SNAP91: variants seen among roughly 807,000 people sequenced by gnomAD.
The protein encoded by SNAP91 is clathrin coat assembly protein AP180.
SNAP91 carries 27 observed loss-of-function variants against 100.3 expected under a neutral mutation model. The observed-to-expected ratio is 0.27, with a 90% confidence interval of 0.20 to 0.37. The LOEUF (loss-of-function observed/expected upper bound fraction) is 0.37, where lower values mean the gene tolerates loss of function less well. Ranked by LOEUF, SNAP91 falls within the 10% of genes least tolerant of loss-of-function variation. The probability of loss-of-function intolerance (pLI) is 1.00; values close to 1 mark genes in which losing one functional copy is unlikely to be tolerated. For missense variants in SNAP91, 986 were observed against 1,123.7 expected (o/e 0.88, Z 1.75); for synonymous variants, 404 against 398.6 (o/e 1.01, Z -0.16).
chr6:83,592,431 T>C, intron 21 of SNAP91, 24 bp downstream of exon 21: 4 of 1,514,816 alleles, frequency 2.6e-6, no homozygotes, highest in Non-Finnish European at 3.6e-6. Context: ...ATTCCTTAAG[T>C]GTTGATGGAG....
intron 24 of SNAP91, among the ~76,000 whole-genome samples, chr6:83,578,238 T>G (rs1165422137): frequency 2.6e-5 from 4 of 151,948 alleles, no homozygotes; most frequent in Non-Finnish European, 4.4e-5. Flanking sequence ...CACCTAGGAG[T>G]GGAAATGCTG....
chr6:83,639,300 A>G (rs1244707846), intron 8 of SNAP91, among the ~76,000 whole-genome samples: 1 of 152,172 alleles, frequency 6.6e-6, no homozygotes, highest in East Asian at 1.9e-4. Flanking sequence ...ATATTAACCA[A>G]TCATAACAAA....
chr6:83,667,870 A>G (rs986935961), intron 2 of SNAP91, among the ~76,000 whole-genome samples: 8 of 152,334 alleles, frequency 5.3e-5, no homozygotes, highest in African/African-American at 1.9e-4. Flanking sequence ...CAGCAAAAGA[A>G]ACTACCATCA....
intron 2 of SNAP91, among the ~76,000 whole-genome samples, chr6:83,667,656 C>A (rs1427460103): frequency 6.6e-6 from 1 of 151,856 alleles, no homozygotes; most frequent in Non-Finnish European, 1.5e-5. Flanking sequence ...TTTTATTATA[C>A]TTTAAGTTCT....
intron 26 of SNAP91, among the ~76,000 whole-genome samples, chr6:83,569,902 T>C (rs1803595877): frequency 1.3e-5 from 2 of 152,190 alleles, no homozygotes; most frequent in Admixed American, 6.5e-5. Flanking sequence ...GAACTGTAAG[T>C]TCATGAAACC....
At chr6:83,554,762 C>T (rs965431860) in intron 29 of SNAP91, among the ~76,000 whole-genome samples, 16 of 152,236 alleles carry the variant, frequency 1.1e-4, no homozygotes, top group Middle Eastern at 6.8e-3. Flanking sequence ...AGATCCCTGG[C>T]GACCCGATGC....
At chr6:83,570,710 C>T (rs1004658296) in intron 26 of SNAP91, among the ~76,000 whole-genome samples, 1 of 152,174 alleles carries the variant, frequency 6.6e-6, no homozygotes, top group South Asian at 2.1e-4. Context: ...AGTCCCAAAC[C>T]TTGGCAGCTT....
At chr6:83,640,640 T>C (rs954682534) in intron 8 of SNAP91, among the ~76,000 whole-genome samples, 1 of 152,206 alleles carries the variant, frequency 6.6e-6, no homozygotes, top group Non-Finnish European at 1.5e-5. Context: ...ATGCTTTCTG[T>C]CTTATTTTTC....
chr6:83,686,148 C>A (rs898001856), intron 2 of SNAP91: 1 of 984,974 alleles, frequency 1.0e-6, no homozygotes, highest in East Asian at 1.1e-4. Flanking sequence ...TAAATTCTAG[C>A]CTTCCTTAAT....
intron 24 of SNAP91, among the ~76,000 whole-genome samples, chr6:83,576,329 A>G (rs140608874): frequency 6.6e-6 from 1 of 152,336 alleles, no homozygotes; most frequent in East Asian, 1.9e-4. Flanking sequence ...TATTTTAGAA[A>G]GGCTGCTATC....
intron 9 of SNAP91, among the ~76,000 whole-genome samples, chr6:83,620,695 C>T (rs2096679063): frequency 6.6e-6 from 1 of 151,538 alleles, no homozygotes; most frequent in Admixed American, 6.6e-5. Flanking sequence ...AGGAATTTTT[C>T]TATGAACAGG....
At chr6:83,582,577 AAC>A (rs1562206215) in intron 22 of SNAP91, among the ~76,000 whole-genome samples, 1 of 152,230 alleles carries the variant, frequency 6.6e-6, no homozygotes, top group Non-Finnish European at 1.5e-5. Context: ...GAAATAAGAT[AAC>A]ACACAAGTAT....
chr6:83,645,529 G>A (rs2097881380), intron 7 of SNAP91, among the ~76,000 whole-genome samples: 1 of 152,012 alleles, frequency 6.6e-6, no homozygotes, highest in African/African-American at 2.4e-5. Flanking sequence ...CACCATTTTA[G>A]TATCATACGG....
intron 2 of SNAP91, among the ~76,000 whole-genome samples, chr6:83,704,308 T>C (rs1380530929): frequency 6.6e-6 from 1 of 152,122 alleles, no homozygotes; most frequent in African/African-American, 2.4e-5. Flanking sequence ...TATTTAATTT[T>C]CACATACAAA....
rs540827191 is a variant in SNAP91, at chr6:83,570,555, G to C, written c.2442+4455C>G. 4.4e-5 allele frequency among the ~76,000 whole-genome samples: 6 copies of C among 136,100 alleles called. 1 individual carries two copies. The highest frequency in any genetic ancestry group is 1.5e-4 in the Admixed American group (2 of 13,678). 89.3% of individuals were successfully genotyped at this position (136,100 alleles called of 152,430 possible). On this transcript the variant is annotated intron_variant, in intron 26 of 29. Coordinates refer to ENST00000369694, the MANE Select transcript of SNAP91 (RefSeq NM_001242792.2). ...CACAGACCTGGAGGTTTACGGGGTG[G>C]CGGGGGGGGAAGTGGTTTCATGGGC...
At chr6:83,671,243 A>G (rs1195261053) in intron 2 of SNAP91, among the ~76,000 whole-genome samples, 3 of 152,040 alleles carry the variant, frequency 2.0e-5, no homozygotes, top group Admixed American at 2.0e-4. Context: ...ATGCATTCCT[A>G]ATGTTTTATA....
intron 7 of SNAP91, among the ~76,000 whole-genome samples, chr6:83,643,718 C>T (rs1322662883): frequency 6.6e-6 from 1 of 152,098 alleles, no homozygotes; most frequent in African/African-American, 2.4e-5. Context: ...AACTAATTAT[C>T]AAGAGCAGTT....
At chr6:83,628,715 A>ATT (rs999477211) in intron 8 of SNAP91, among the ~76,000 whole-genome samples, 2 of 149,058 alleles carry the variant, frequency 1.3e-5, no homozygotes, top group African/African-American at 2.5e-5. Context: ...TTTTGATGGG[A>ATT]TTTTTTTTTC....
intron 2 of SNAP91, among the ~76,000 whole-genome samples, chr6:83,677,429 A>G (rs1026884050): frequency 6.6e-6 from 1 of 152,182 alleles, no homozygotes; most frequent in African/African-American, 2.4e-5. Context: ...GAACTCACAG[A>G]GCTCCAAAGA....
Sources: gnomAD v4.1 joint callset for allele counts (sites outside exome capture counted in the v4.1 genomes callset) on GRCh38, gnomAD v4.1.1 for gene constraint, MANE v1.5 for transcripts, NCBI Gene and HGNC (gene_info 2026-07-23, HGNC 2026-07-21) for gene names.